The following DST variants were observed in gnomAD, a reference collection of about 807,000 sequenced individuals.
DST encodes dystonin.
In DST, 253 loss-of-function variants were observed where a neutral mutation model predicts 875.2. That is an observed-to-expected ratio of 0.29 (90% CI 0.26 to 0.32). The LOEUF is 0.32. Ranked by LOEUF, DST falls within the 10% of genes least tolerant of loss-of-function variation. The pLI is 1.00. For synonymous variants in DST, 3,124 were observed against 3,197.1 expected (o/e 0.98, Z 0.77); for missense variants, 8,287 against 9,111.6 (o/e 0.91, Z 3.68).
At chr6:56,766,110 A>C (rs1182437499) in intron 4 of DST, among the ~76,000 whole-genome samples, 1 of 152,226 alleles carries the variant, frequency 6.6e-6, no homozygotes, top group Non-Finnish European at 1.5e-5. Flanking sequence ...TCTCTCAAAG[A>C]TTGATTAATT....
intron 4 of DST, among the ~76,000 whole-genome samples, chr6:56,834,821 C>T (rs549787299): frequency 1.3e-5 from 2 of 152,130 alleles, no homozygotes; most frequent in East Asian, 3.9e-4. Context: ...CAAAGCTAAA[C>T]GTACCATACA....
intron 58 of DST, among the ~76,000 whole-genome samples, chr6:56,559,978 A>G (rs2097509033): frequency 6.6e-6 from 1 of 152,148 alleles, no homozygotes; most frequent in Admixed American, 6.6e-5. Context: ...TATATAAAGC[A>G]TAATAAAGCA....
intron 4 of DST, among the ~76,000 whole-genome samples, chr6:56,809,748 G>C (rs2099757591): frequency 6.6e-6 from 1 of 152,042 alleles, no homozygotes; most frequent in African/African-American, 2.4e-5. Flanking sequence ...TTACCACCTT[G>C]AACTAGAACA....
In DST at chr6:56,572,212, G is replaced by T; in HGVS notation, c.13609C>A (p.Leu4537Ile). The T allele has an allele frequency of 6.3e-7, 1 of 1,576,402 alleles. No homozygotes were observed. Among genetic ancestry groups the T allele is most frequent in the South Asian group, 1.2e-5 (1 of 84,226 alleles). Residue 4537 changes from leucine (L) to isoleucine (I), a missense_variant, in exon 53 of 104, where the codon CTC becomes ATC. By Grantham distance (5) the Leu-to-Ile change is conservative (BLOSUM62 2). This residue lies in a region of DST where 1,513 missense variants were observed against 1,677.8 expected (regional missense o/e 0.90). Coordinates refer to ENST00000680361, the MANE Select transcript of DST (RefSeq NM_001374736.1). Reference protein sequence around the residue: ...HKKHLEVLHSLLKEISSHGLP... With the variant: ...HKKHLEVLHSILKEISSHGLP... ...CCATGGCTGGATATCTCCTTCAAGA[G>T]ACTATGCAAAACTTCAAGATGTTTC... is the stretch of plus-strand genomic sequence containing the variant.
At chr6:56,684,594 C>T (rs942032345) in intron 9 of DST, among the ~76,000 whole-genome samples, 40 of 152,174 alleles carry the variant, frequency 2.6e-4, no homozygotes, top group African/African-American at 9.2e-4. Context: ...AGGGTATGGG[C>T]CCAGGTCTCC....
intron 5 of DST, among the ~76,000 whole-genome samples, chr6:56,732,420 C>T (rs541022144): frequency 2.0e-5 from 3 of 152,086 alleles, no homozygotes; most frequent in Admixed American, 2.0e-4. Flanking sequence ...CTAATAATTG[C>T]TTTTGTGTTT....
rs752065153 is a variant in DST at position 56,636,632 on chromosome 6, C to A, written c.2985G>T (p.Gln995His). Residue 995 changes from glutamine (Q) to histidine (H), a missense_variant, in exon 23 of 104, where the codon CAG (glutamine) becomes CAT (histidine). By Grantham distance (24) the Gln-to-His change is conservative. Transcript: ENST00000680361. ...LTIEAYRAAM[Q>H]TQWSWILQLC... ...GCTGTAAGATCCAGCTCCACTGCGT[C>A]TGCATTGCCGCTCTGTAGGCCTTAA... 14 of 1,613,504 alleles carry A rather than the reference C, an allele frequency of 8.7e-6. No individual in the cohort carries two copies. The Admixed American group carries it at 2.3e-4, about 27-fold the overall frequency.
Position 56,607,478 on chromosome 6 carries a change from ATTCATTTGCACG to A in DST, c.7138_7149del (p.Arg2380_Glu2383del), listed in dbSNP as rs2098508612. On this transcript the variant is annotated inframe_deletion, in exon 40 of 104. Transcript: ENST00000680361. ...TTTTGAATGTTTTTAGAATGACTAC[ATTCATTTGCACG>A]TTCATTTGTTTCCACTCGGCTTTGA... is the stretch of plus-strand genomic sequence containing the variant. The A allele has an allele frequency of 6.3e-7, 1 of 1,598,396 alleles. No homozygotes were observed. Among genetic ancestry groups the A allele is most frequent in the African/African-American group, 1.3e-5 (1 of 74,706 alleles).
intron 5 of DST, among the ~76,000 whole-genome samples, chr6:56,728,238 TCATAAGAAAAAACAAAAAGTTTG>T (rs2099476284): frequency 6.6e-6 from 1 of 152,206 alleles, no homozygotes; most frequent in Non-Finnish European, 1.5e-5. Flanking sequence ...TAAATGGCCC[TCATAAGAAAAAACAAAAAGTTTG>T]TCTTCTTGTC....
At chr6:56,692,653 C>T (rs904731277) in intron 9 of DST, 16 of 1,289,656 alleles carry the variant, frequency 1.2e-5, no homozygotes, top group Middle Eastern at 2.1e-4. Flanking sequence ...TGTTATTTCG[C>T]TTGTGTTGAC....
rs1229261903 is a variant in DST at position 56,464,770 on chromosome 6, C to T, written c.22688-14G>A. 1 of 1,567,314 alleles carries T rather than the reference C, an allele frequency of 6.4e-7. No individual in the cohort carries two copies. The highest frequency in any genetic ancestry group is 8.7e-7 in the Non-Finnish European group (1 of 1,149,044). On this transcript the variant is annotated splice_polypyrimidine_tract_variant and intron_variant, in intron 99 of 103. Transcript: ENST00000680361. Reference sequence around the variant, plus strand: ...CATGATGATGAACTAGAAAAAATGACACAGGATACCAATCACATTAAAGAA... The same window carrying T: ...CATGATGATGAACTAGAAAAAATGATACAGGATACCAATCACATTAAAGAA...
intron 9 of DST, among the ~76,000 whole-genome samples, chr6:56,681,276 A>G (rs529642225): frequency 6.6e-6 from 1 of 152,100 alleles, no homozygotes; most frequent in East Asian, 1.9e-4. Context: ...GCCCACATCC[A>G]ATTGGTAACA....
intron 3 of DST, among the ~76,000 whole-genome samples, chr6:56,873,741 G>T (rs1468133435): frequency 6.6e-6 from 1 of 152,162 alleles, no homozygotes; most frequent in Non-Finnish European, 1.5e-5. Flanking sequence ...ATGAAGAGAG[G>T]TTGGTTAATG....
At chr6:56,504,780 C>T (rs554519374) in intron 77 of DST, among the ~76,000 whole-genome samples, 5 of 152,244 alleles carry the variant, frequency 3.3e-5, no homozygotes, top group African/African-American at 1.2e-4. Context: ...ACTGTAACCT[C>T]AAACTCCTGG....
chr6:56,563,397 GTCTGT>G (rs113141675), intron 55 of DST, among the ~76,000 whole-genome samples: 2,418 of 152,248 alleles, frequency 0.016, 57 homozygotes, highest in African/African-American at 0.055. Flanking sequence ...TTTGAGAAGT[GTCTGT>G]TCATATCCTT....
At position 56,552,373 on chromosome 6, in the gene DST, G is replaced by A; in HGVS notation, c.16419C>T (p.Cys5473=). 1.2e-6 allele frequency: 2 copies of A among 1,613,918 alleles called. No homozygotes were observed. The highest frequency in any genetic ancestry group is 1.7e-6 in the Non-Finnish European group (2 of 1,179,870). Reference sequence around the variant, plus strand: ...CTTGGGCTCGGTCCAGTAACTTGTTGCATTGTTTGCTTAAGGCCTCCAAGT... The same window carrying A: ...CTTGGGCTCGGTCCAGTAACTTGTTACATTGTTTGCTTAAGGCCTCCAAGT... ...KRDLEALSKQ[C]NKLLDRAQAR... Residue 5473 remains cysteine (C), a synonymous_variant, in exon 61 of 104, where the codon TGC becomes TGT. Transcript: ENST00000680361.
chr6:56,529,351 G>A (rs762115210), intron 66 of DST, 97 bp downstream of exon 66: 89 of 1,051,370 alleles, frequency 8.5e-5, no homozygotes, highest in Admixed American at 1.7e-4. Flanking sequence ...GCAATTCATC[G>A]AAATCATCAT....
chr6:56,765,711 C>T lies in DST; in HGVS notation c.626-30422G>A, dbSNP rs77785002. On this transcript the variant is annotated intron_variant, in intron 4 of 103. Transcript: ENST00000680361. ...AGATCTTGAGGTACTGCCAGACAGA[C>T]TCAAGTTAAAGCAATTACTAGCATC... 9.9e-3 allele frequency among the ~76,000 whole-genome samples: 1,508 copies of T among 152,218 alleles called. 25 individuals are homozygous for T. The highest frequency in any genetic ancestry group is 0.034 in the African/African-American group (1,425 of 41,522).
chr6:56,799,567 A>T (rs1391093974), intron 4 of DST, among the ~76,000 whole-genome samples: 1 of 148,076 alleles, frequency 6.8e-6, no homozygotes, highest in Non-Finnish European at 1.5e-5. Context: ...GGCTCAGATG[A>T]CCTTCAGCAT....
Sources: allele counts gnomAD v4.1 joint callset (sites outside exome capture counted in the v4.1 genomes callset), GRCh38; gene constraint gnomAD v4.1.1; regional missense constraint gnomAD v4.1.1; transcripts MANE v1.5; gene names NCBI Gene and HGNC (gene_info 2026-07-23, HGNC 2026-07-21).